The following TENM1 variants were observed in gnomAD, a reference collection of about 807,000 sequenced individuals.
TENM1 encodes the protein teneurin-1.
TENM1 carries 35 observed loss-of-function variants against 174.8 expected under a neutral mutation model. That is an observed-to-expected ratio of 0.20 (90% confidence interval 0.15 to 0.27). The LOEUF (loss-of-function observed/expected upper bound fraction) is 0.27, where lower values mean the gene tolerates loss of function less well. Ranked by LOEUF, TENM1 falls within the 10% of genes least tolerant of loss-of-function variation. TENM1 has a pLI of 1.00. For synonymous variants in TENM1, 781 were observed against 798.7 expected (o/e 0.98, Z 0.37); for missense variants, 1,633 against 2,130.1 (o/e 0.77, Z 4.59).
intron 3 of TENM1, among the ~76,000 whole-genome samples, chrX:124,790,468 G>A (rs928365086): frequency 3.6e-5 from 4 of 111,725 alleles, no homozygotes; most frequent in East Asian, 5.6e-4. Flanking sequence ...TTTTGGGTAC[G>A]AAGTCACTCA....
intron 11 of TENM1, among the ~76,000 whole-genome samples, chrX:124,577,951 G>T (rs1295614772): frequency 1.9e-5 from 2 of 107,027 alleles, no homozygotes; most frequent in Non-Finnish European, 3.9e-5. Context: ...TTTGAGGCAG[G>T]GTCTCACTCC....
chrX:124,478,214 T>C (rs967773955), intron 22 of TENM1, among the ~76,000 whole-genome samples: 1 of 112,531 alleles, frequency 8.9e-6, no homozygotes, highest in Non-Finnish European at 1.9e-5. Flanking sequence ...ATCTTCGTGT[T>C]CGGGTAAATG....
At chrX:125,121,786 G>C in the TENM1 span, among the ~76,000 whole-genome samples, 9 of 112,312 alleles carry the variant, frequency 8.0e-5, no homozygotes, top group African/African-American at 2.9e-4. Flanking sequence ...ACAATTATGG[G>C]TAAGGCCGGA....
chrX:125,061,495 G>A, the TENM1 span, among the ~76,000 whole-genome samples: 27 of 112,045 alleles, frequency 2.4e-4, no homozygotes, highest in South Asian at 1.1e-3. Context: ...AAAATAAACC[G>A]TACTCTTCAG....
At chrX:124,513,405 C>A (rs1038875027) in intron 18 of TENM1, among the ~76,000 whole-genome samples, 22 of 111,925 alleles carry the variant, frequency 2.0e-4, no homozygotes, top group East Asian at 1.1e-3. Context: ...CCCAGATAGA[C>A]CAGGATAATC....
chrX:125,183,714 G>A, the TENM1 span, among the ~76,000 whole-genome samples: 1 of 111,696 alleles, frequency 9.0e-6, no homozygotes, highest in Non-Finnish European at 1.9e-5. Flanking sequence ...TATAACGCCA[G>A]TACTAGTACG....
At chrX:124,464,693 A>G (rs890790043) in intron 22 of TENM1, among the ~76,000 whole-genome samples, 2 of 112,229 alleles carry the variant, frequency 1.8e-5, no homozygotes, top group African/African-American at 6.5e-5. Context: ...ATATGAATAT[A>G]ACAACAGCAT....
chrX:124,903,208 CATCT>C (rs1422138504), intron 1 of TENM1, among the ~76,000 whole-genome samples: 1 of 111,813 alleles, frequency 8.9e-6, no homozygotes, highest in Non-Finnish European at 1.9e-5. Context: ...AAGATTTCTC[CATCT>C]GTCAGTATAC....
chrX:124,789,037 T>C (rs753262335), intron 3 of TENM1, among the ~76,000 whole-genome samples: 22 of 112,188 alleles, frequency 2.0e-4, no homozygotes, highest in Non-Finnish European at 4.0e-4. Context: ...TTTCCATACA[T>C]CTTCTGAAAT....
At chrX:124,643,195 T>A (rs957646522) in intron 10 of TENM1, among the ~76,000 whole-genome samples, 2 of 111,937 alleles carry the variant, frequency 1.8e-5, no homozygotes, top group African/African-American at 3.2e-5. Flanking sequence ...TATTAAAGAA[T>A]AATAATTTTA....
intron 18 of TENM1, among the ~76,000 whole-genome samples, chrX:124,509,713 ATT>A (rs753100747): frequency 0.086 from 6,511 of 75,750 alleles, 581 homozygotes; most frequent in African/African-American, 0.25. Context: ...ACTTTCTGGA[ATT>A]TTTTTTTTTT....
chrX:124,381,410 G>T (rs1446490465), intron 31 of TENM1, 116 bp from the exon 35 acceptor site: 9 of 690,885 alleles, frequency 1.3e-5, no homozygotes, highest in Non-Finnish European at 1.9e-5. Context: ...TAATTTGTCA[G>T]TGAGTGATTT....
the TENM1 span, among the ~76,000 whole-genome samples, chrX:125,000,809 T>C: frequency 1.8e-5 from 2 of 111,640 alleles, no homozygotes; most frequent in Non-Finnish European, 3.8e-5. Context: ...AGCTCCTCAT[T>C]ACATGAGGTT....
At chrX:124,493,656 G>A (rs1186651301) in intron 20 of TENM1, among the ~76,000 whole-genome samples, 1 of 111,178 alleles carries the variant, frequency 9.0e-6, no homozygotes, top group African/African-American at 3.3e-5. Flanking sequence ...AATGTGGACT[G>A]TTGTATAAAT....
the TENM1 span, among the ~76,000 whole-genome samples, chrX:125,038,027 A>T: frequency 3.6e-5 from 4 of 111,546 alleles, no homozygotes. Context: ...TGTCAGTAAA[A>T]TAACAGAGCC....
chrX:124,515,750 G>A (rs778024227), intron 18 of TENM1, among the ~76,000 whole-genome samples: 9 of 108,060 alleles, frequency 8.3e-5, no homozygotes, highest in South Asian at 4.1e-4. Context: ...CATCAATATC[G>A]TAAAAATGGC....
chrX:125,063,970 C>T, the TENM1 span, among the ~76,000 whole-genome samples: 2 of 111,277 alleles, frequency 1.8e-5, no homozygotes, highest in Non-Finnish European at 3.8e-5. Flanking sequence ...CCATGGAATA[C>T]TATGCAGCCA....
chrX:124,606,079 T>G (rs780784317), intron 11 of TENM1, among the ~76,000 whole-genome samples: 1 of 111,478 alleles, frequency 9.0e-6, no homozygotes, highest in African/African-American at 3.2e-5. Context: ...AACCTAAACC[T>G]GGTGTATTTA....
chrX:124,756,785 G>C (rs2054259945), intron 3 of TENM1, among the ~76,000 whole-genome samples: 1 of 112,212 alleles, frequency 8.9e-6, no homozygotes, highest in East Asian at 2.8e-4. Context: ...GGTACCAGCA[G>C]CAGTGGCTGC....
Sources: gnomAD v4.1 joint callset for allele counts (sites outside exome capture counted in the v4.1 genomes callset) on GRCh38, gnomAD v4.1.1 for gene constraint, MANE v1.5 for transcripts, NCBI Gene and HGNC (gene_info 2026-07-23, HGNC 2026-07-21) for gene names.